Variants in RILPL1 observed in about 807,000 individuals in gnomAD.
RILPL1 encodes Rab interacting lysosomal protein like 1, also known as RILP-like protein 1.
Under a neutral mutation model 50.3 loss-of-function variants are expected in RILPL1, and 33 were observed. The ratio of observed to expected loss-of-function variants is 0.66; its 90% confidence interval spans 0.50 to 0.88. The LOEUF (loss-of-function observed/expected upper bound fraction) is 0.88. Among genes scored for constraint, RILPL1 ranks in the 40% least tolerant of loss-of-function variants. The pLI is 0.00. For synonymous variants in RILPL1, 205 were observed against 228.6 expected (o/e 0.90, Z 0.93); for missense variants, 418 against 542.5 (o/e 0.77, Z 2.28).
chr12:123,482,382 C>T (rs1882054104), intron 6 of RILPL1, among the ~76,000 whole-genome samples: 1 of 152,104 alleles, frequency 6.6e-6, no homozygotes, highest in Non-Finnish European at 1.5e-5. Context: ...CCTAAGCAGC[C>T]TGAATGAAGC....
At chr12:123,484,153 C>T (rs777043565) in intron 6 of RILPL1, 27 bp downstream of exon 6, 19 of 1,518,402 alleles carry the variant, frequency 1.3e-5, no homozygotes, top group Middle Eastern at 1.8e-4. Context: ...GTCAGCCGAG[C>T]GCAGAAGCTG....
chr12:123,523,705 C>A, intron 1 of RILPL1, 60 bp from the exon 2 acceptor site: 1 of 1,559,110 alleles, frequency 6.4e-7, no homozygotes, highest in Non-Finnish European at 8.6e-7. Context: ...GCCCCACCCA[C>A]TCCGACCCTC....
rs540144688 is a variant in RILPL1, at chr12:123,522,140, G to A, written c.460+1355C>T. Among the ~76,000 whole-genome samples, 27 of 152,214 alleles carry A rather than the reference G, an allele frequency of 1.8e-4. No individual in the cohort carries two copies. The highest frequency in any genetic ancestry group is 2.8e-4 in the Non-Finnish European group (19 of 68,010). On this transcript the variant is annotated intron_variant, in intron 2 of 6. Coordinates refer to ENST00000376874, the MANE Select transcript of RILPL1 (RefSeq NM_178314.5). The surrounding 1 kb of genome is among the most constrained non-coding windows in gnomAD (Gnocchi z 4.0). ...GAAGTTGGGCACCCACCCCAGGTCC[G>A]TCCCCGTTCCATCAAACATGAGGAA...
In RILPL1 at chr12:123,472,654, G is replaced by A. The variant is rs368368110; in HGVS notation, c.1096C>T (p.Arg366Cys). The change falls in exon 7 of 7, where the codon CGC (arginine) becomes TGC (cysteine). Residue 366 changes from arginine to cysteine, a missense_variant. Transcript: ENST00000376874. ...ACGTTTCTCTGTGTGTTGGCCAGGC[G>A]CTTCTTATCTCGGGAGAAGAAGCTA... ...LFSFFSRDKKRLANTQRNVHI... is the reference protein window; with the variant it reads ...LFSFFSRDKKCLANTQRNVHI... 8 of 1,598,740 alleles carry A rather than the reference G, an allele frequency of 5.0e-6. No homozygotes were observed. Among genetic ancestry groups the A allele is most frequent in the African/African-American group, 1.3e-5 (1 of 74,716 alleles).
intron 2 of RILPL1, among the ~76,000 whole-genome samples, chr12:123,501,908 T>TTTTTAAAACCC (rs1883419744): frequency 1.3e-5 from 2 of 150,942 alleles, no homozygotes; most frequent in East Asian, 3.9e-4. Context: ...AAACCCCGTC[T>TTTTTAAAACCC]CTACTAAAAA....
Position 123,485,318 on chromosome 12 carries a change from A to ATTCG in RILPL1, c.974+314_974+315insCGAA. On this transcript the variant is annotated intron_variant, in intron 5 of 6. Transcript: ENST00000376874. The surrounding 1 kb of genome is among the most constrained non-coding windows in gnomAD (Gnocchi z 4.0). ...CACCGGGGCCGGGTTTCATTCATTC[A>ATTCG]TTCATTTAAAAAAAGAGATGAGGTC... The ATTCG allele has an allele frequency of 2.1e-6, 1 of 470,692 alleles. No homozygotes were observed. Among genetic ancestry groups the ATTCG allele is most frequent in the Non-Finnish European group, 4.2e-6 (1 of 240,550 alleles). The allele number at this position is 470,692 out of a possible 1,614,324, so 29.2% of individuals were successfully genotyped here.
At position 123,498,762 on chromosome 12, in the gene RILPL1, G is replaced by A; in HGVS notation, c.583C>T (p.Gln195Ter). 1 of 1,612,186 alleles carries A rather than the reference G, an allele frequency of 6.2e-7. No individual in the cohort carries two copies. Among genetic ancestry groups the A allele is most frequent in the Non-Finnish European group, 8.5e-7 (1 of 1,179,836 alleles). The change falls in exon 4 of 7, where the codon CAG (glutamine) becomes TAG (stop). Residue 195 changes from glutamine to a stop codon, truncating the protein, a stop_gained. Coordinates refer to ENST00000376874, the MANE Select transcript of RILPL1 (RefSeq NM_178314.5). LOFTEE classifies it high-confidence loss of function. The surrounding 1 kb of genome is among the most constrained non-coding windows in gnomAD (Gnocchi z 4.3). Reference sequence around the variant, plus strand: ...TTCATCAGCCGTGTCTGCTGCTGCTGTAACTGTAGAAAAAGGGAGACCATT... The same window carrying A: ...TTCATCAGCCGTGTCTGCTGCTGCTATAACTGTAGAAAAAGGGAGACCATT... ...GLKNEDVEAL[Q>*]QQQTRLMKIN...
Position 123,472,567 on chromosome 12 carries a change from GCT to G in RILPL1, c.1181_1182del (p.Glu394AlafsTer50). 6.4e-7 allele frequency: 1 copy of G among 1,553,412 alleles called. No homozygotes were observed. The highest frequency in any genetic ancestry group is 1.2e-5 in the South Asian group (1 of 84,132). On this transcript the variant is annotated frameshift_variant, in exon 7 of 7. Transcript: ENST00000376874. LOFTEE classifies it high-confidence loss of function. ...ANTHRDDGYT[E>X]QGQEALQHL ...AGATGCTGCAGGGCTTCCTGTCCTT[GCT>G]CTGTGTAACCGTCATCGCGGTGGGT...
At position 123,498,577 on chromosome 12, in the gene RILPL1, C is replaced by A; in HGVS notation, c.768G>T (p.Gly256=). 1 of 1,613,630 alleles carries A rather than the reference C, an allele frequency of 6.2e-7. No homozygotes were observed. The change falls in exon 4 of 7, where the codon GGG becomes GGT. Residue 256 remains glycine (G), a synonymous_variant. Transcript: ENST00000376874. This position sits in a 1 kb window ranked among gnomAD's most constrained non-coding sequence, Gnocchi z 4.3. ...ELGKLRERLQ[G]EHSQNGEEEP... is the part of the protein sequence containing the mutation. ...CCTCCTCCCCATTCTGGCTGTGCTC[C>A]CCCTGCAGCCTCTCTCGCAACTTCC...
At chr12:123,476,310 G>T (rs373876393) in intron 6 of RILPL1, among the ~76,000 whole-genome samples, 1 of 135,376 alleles carries the variant, frequency 7.4e-6, no homozygotes, top group African/African-American at 2.8e-5. Context: ...GCGTGGTGGC[G>T]CATGCCTGTA....
At chr12:123,508,728 G>A (rs992126562) in intron 2 of RILPL1, among the ~76,000 whole-genome samples, 1 of 152,138 alleles carries the variant, frequency 6.6e-6, no homozygotes, top group African/African-American at 2.4e-5. Context: ...TTAAGGCCGG[G>A]CACAGTGGCT....
Position 123,472,490 on chromosome 12 carries a change from G to T in RILPL1, c.*48C>A, listed in dbSNP as rs1173382666. The T allele has an allele frequency of 6.5e-7, 1 of 1,547,304 alleles. No homozygotes were observed. Among genetic ancestry groups the T allele is most frequent in the Admixed American group, 2.0e-5 (1 of 50,892 alleles). On this transcript the variant is annotated 3_prime_UTR_variant, in exon 7 of 7. Transcript: ENST00000376874. Reference sequence around the variant, plus strand: ...ACCCCTGGGCTGCAGTTCGGTTGCAGGCGCTGGTGGCGGGCAGTCCAGGTT... The same window carrying T: ...ACCCCTGGGCTGCAGTTCGGTTGCATGCGCTGGTGGCGGGCAGTCCAGGTT...
At chr12:123,508,743 C>A (rs1435817704) in intron 2 of RILPL1, among the ~76,000 whole-genome samples, 1 of 152,128 alleles carries the variant, frequency 6.6e-6, no homozygotes, top group Non-Finnish European at 1.5e-5. Flanking sequence ...GTGGCTCGTG[C>A]CTGTAATCCC....
At chr12:123,475,226 C>T (rs1593527303) in intron 6 of RILPL1, 1 of 185,992 alleles carries the variant, frequency 5.4e-6, no homozygotes, top group East Asian at 1.2e-4. Flanking sequence ...CCCTCCTCTG[C>T]CTTTCTTTTT....
intron 4 of RILPL1, among the ~76,000 whole-genome samples, chr12:123,487,893 A>G (rs1418008841): frequency 6.6e-6 from 1 of 152,208 alleles, no homozygotes; most frequent in African/African-American, 2.4e-5. Context: ...CCAGCAATGC[A>G]CAAGGGTTCC....
chr12:123,509,306 A>G (rs1883944278), intron 2 of RILPL1, among the ~76,000 whole-genome samples: 1 of 152,164 alleles, frequency 6.6e-6, no homozygotes, highest in Non-Finnish European at 1.5e-5. Flanking sequence ...GCTCACGCCT[A>G]CAACGCCTGC....
At position 123,531,521 on chromosome 12, in the gene RILPL1, A is replaced by G. The variant is rs151315706; in HGVS notation, c.309+1653T>C. Among the ~76,000 whole-genome samples the G allele has an allele frequency of 4.4e-3, 665 of 152,052 alleles. 5 individuals are homozygous for G. The highest frequency in any genetic ancestry group is 0.015 in the African/African-American group (631 of 41,468). ...AGGTCCCTTGCCTCCTTGACCCTCT[A>G]TGAGAGATGGAGGCCTCTAGGGTAG... On this transcript the variant is annotated intron_variant, in intron 1 of 6. Transcript: ENST00000376874.
At chr12:123,501,087 G>A (rs1410392559) in intron 2 of RILPL1, among the ~76,000 whole-genome samples, 6 of 151,710 alleles carry the variant, frequency 4.0e-5, no homozygotes, top group African/African-American at 1.5e-4. Flanking sequence ...CAGCCTGGGT[G>A]ACAACAGCAA....
At chr12:123,521,539 GTATATATATGTGTGTATATATATTAA>G (rs1885002118) in intron 2 of RILPL1, among the ~76,000 whole-genome samples, 1 of 127,714 alleles carries the variant, frequency 7.8e-6, no homozygotes, top group African/African-American at 3.0e-5. Flanking sequence ...ATAAATATAT[GTATATATATGTGTGTATATATATTAA>G]TATATATACA....
Sources: allele counts gnomAD v4.1 joint callset (sites outside exome capture counted in the v4.1 genomes callset), GRCh38; gene constraint gnomAD v4.1.1; non-coding constraint Gnocchi (gnomAD v3.1); transcripts MANE v1.5; gene names NCBI Gene and HGNC (gene_info 2026-07-23, HGNC 2026-07-21).